The following TMC1 variants were observed in gnomAD, a reference collection of about 807,000 sequenced individuals.
TMC1 encodes transmembrane channel-like protein 1.
Under a neutral mutation model 105.8 loss-of-function variants are expected in TMC1, and 84 were observed. That is an observed-to-expected ratio of 0.79 (90% CI 0.67 to 0.95). TMC1 has a LOEUF of 0.95. TMC1 is among the 40% of genes least tolerant of loss of function. TMC1 has a pLI of 0.00. For synonymous variants in TMC1, 315 were observed against 311.5 expected, an observed-to-expected ratio of 1.01 and a Z score of -0.12; for missense variants, 817 against 914.1, an observed-to-expected ratio of 0.89 and a Z score of 1.37.
rs1184545238 is a variant in TMC1 at position 72,521,742 on chromosome 9, CAAAAAAA to C, written c.-594_-588del. The C allele has an allele frequency of 6.6e-5, 9 of 136,762 alleles. No individual in the cohort carries two copies. Among genetic ancestry groups the C allele is most frequent in the Non-Finnish European group, 1.3e-4 (8 of 62,682 alleles). 8.5% of individuals were successfully genotyped at this position (136,762 alleles called of 1,614,324 possible). On this transcript the variant is annotated 5_prime_UTR_variant, in exon 1 of 24. It removes the in-frame stop codon of an upstream open reading frame in the 5' UTR. Transcript: ENST00000297784. ...TGGGTGACAGAGCAAGACTCCGTCA[CAAAAAAA>C]AAAAGAAAAAAGAAACACCAGTTTT...
intron 3 of TMC1, among the ~76,000 whole-genome samples, chr9:72,624,618 T>C (rs1479738084): frequency 6.6e-6 from 1 of 152,188 alleles, no homozygotes; most frequent in African/African-American, 2.4e-5. Context: ...GAGGATGAAA[T>C]GCAACAGCAG....
chr9:72,712,805 T>C (rs1182196450), intron 8 of TMC1, among the ~76,000 whole-genome samples: 1 of 152,206 alleles, frequency 6.6e-6, no homozygotes, highest in African/African-American at 2.4e-5. Context: ...CAATACTATG[T>C]TGAATAGGAG....
rs1009077441 is a variant in TMC1 at position 72,733,372 on chromosome 9, T to C, written c.363-6747T>C. On this transcript the variant is annotated intron_variant, in intron 8 of 23. Coordinates refer to ENST00000297784, the MANE Select transcript of TMC1 (RefSeq NM_138691.3). ...CTGGGCCCTCTCCTTGGGTCTCAAA[T>C]GGAGGGTTGAATCCTCTCATGCTCA... 5.9e-5 allele frequency among the ~76,000 whole-genome samples: 9 copies of C among 152,082 alleles called. No individual in the cohort carries two copies. The South Asian group carries it at 1.7e-3, about 28-fold the overall frequency.
At chr9:72,804,885 C>G (rs1417288775) in intron 17 of TMC1, among the ~76,000 whole-genome samples, 1 of 152,042 alleles carries the variant, frequency 6.6e-6, no homozygotes, top group Non-Finnish European at 1.5e-5. Flanking sequence ...TTTAACGGAC[C>G]GTTTGTATAT....
intron 12 of TMC1, among the ~76,000 whole-genome samples, chr9:72,759,499 C>G (rs1286680372): frequency 6.6e-6 from 1 of 152,122 alleles, no homozygotes; most frequent in African/African-American, 2.4e-5. Context: ...GTAGATATGA[C>G]TATTCCTAAT....
At chr9:72,543,959 T>C (rs796527540) in intron 1 of TMC1, among the ~76,000 whole-genome samples, 1 of 140,668 alleles carries the variant, frequency 7.1e-6, no homozygotes, top group African/African-American at 2.7e-5. Context: ...TTTCTTTTTT[T>C]TTTTTTTTTT....
intron 5 of TMC1, among the ~76,000 whole-genome samples, chr9:72,670,581 T>C (rs1335206225): frequency 4.6e-5 from 7 of 152,136 alleles, no homozygotes; most frequent in Admixed American, 4.6e-4. Flanking sequence ...CAATTATACA[T>C]AATTGCCCCA....
chr9:72,619,416 C>T (rs1307692842), intron 3 of TMC1, among the ~76,000 whole-genome samples: 3 of 152,050 alleles, frequency 2.0e-5, no homozygotes, highest in Non-Finnish European at 2.9e-5. Flanking sequence ...GTAAAACACA[C>T]ACAACAAGTC....
intron 1 of TMC1, among the ~76,000 whole-genome samples, chr9:72,563,796 A>G (rs1284448130): frequency 6.8e-6 from 1 of 146,532 alleles, no homozygotes; most frequent in African/African-American, 2.5e-5. Flanking sequence ...GCTATTCGGG[A>G]GGCTGAGGCA....
At chr9:72,732,825 G>A (rs1445372599) in intron 8 of TMC1, among the ~76,000 whole-genome samples, 5 of 152,138 alleles carry the variant, frequency 3.3e-5, no homozygotes, top group Non-Finnish European at 2.9e-5. Flanking sequence ...TCTGAGATGG[G>A]GATAATAATG....
At chr9:72,640,936 T>C (rs1057183875) in intron 4 of TMC1, among the ~76,000 whole-genome samples, 3 of 151,588 alleles carry the variant, frequency 2.0e-5, no homozygotes, top group African/African-American at 7.3e-5. Flanking sequence ...TGGCCTTTAG[T>C]TGAGATTTGA....
chr9:72,542,883 C>T (rs953253080), intron 1 of TMC1, among the ~76,000 whole-genome samples: 1 of 152,082 alleles, frequency 6.6e-6, no homozygotes, highest in Non-Finnish European at 1.5e-5. Context: ...GTTTCACTAT[C>T]TTGGCCAGGC....
At chr9:72,639,628 C>T (rs917315743) in intron 4 of TMC1, among the ~76,000 whole-genome samples, 1 of 152,002 alleles carries the variant, frequency 6.6e-6, no homozygotes, top group African/African-American at 2.4e-5. Flanking sequence ...CAGAGTCGCT[C>T]GTGAAATATA....
intron 12 of TMC1, among the ~76,000 whole-genome samples, 187 bp downstream of exon 12, chr9:72,755,071 GGAGAGAGA>G (rs55848138): frequency 9.4e-5 from 12 of 127,012 alleles, no homozygotes; most frequent in South Asian, 2.9e-4. Flanking sequence ...AGGGAGGGAG[GGAGAGAGA>G]GAGAGAGAGA....
At chr9:72,568,315 TC>T (rs2132086708) in intron 1 of TMC1, among the ~76,000 whole-genome samples, 1 of 152,278 alleles carries the variant, frequency 6.6e-6, no homozygotes, top group African/African-American at 2.4e-5. Flanking sequence ...GAAACCCTAT[TC>T]TAAAATGTTT....
At chr9:72,611,286 C>T (rs148941605) in intron 2 of TMC1, among the ~76,000 whole-genome samples, 1,731 of 152,048 alleles carry the variant, frequency 0.011, 34 homozygotes, top group African/African-American at 0.039. Context: ...GGTCAAAGAA[C>T]TATAAGAAGA....
chr9:72,796,641 A>G (rs1828376117), intron 17 of TMC1, among the ~76,000 whole-genome samples: 1 of 152,242 alleles, frequency 6.6e-6, no homozygotes, highest in East Asian at 1.9e-4. Context: ...ATCTCCATAG[A>G]TGCAGAAAAA....
At chr9:72,713,856 T>C (rs13285607) in intron 8 of TMC1, among the ~76,000 whole-genome samples, 1 of 152,120 alleles carries the variant, frequency 6.6e-6, no homozygotes, top group Non-Finnish European at 1.5e-5. Context: ...TTAATTGTGA[T>C]TTTAGGGTGT....
intron 17 of TMC1, among the ~76,000 whole-genome samples, chr9:72,801,710 AG>A (rs957944868): frequency 1.3e-5 from 2 of 152,240 alleles, no homozygotes; most frequent in Non-Finnish European, 2.9e-5. Flanking sequence ...GGGGTTTAGC[AG>A]GAGGCCTGTG....
Sources: gnomAD v4.1 joint callset for allele counts (sites outside exome capture counted in the v4.1 genomes callset) on GRCh38, gnomAD v4.1.1 for gene constraint, MANE v1.5 for transcripts, NCBI Gene and HGNC (gene_info 2026-07-23, HGNC 2026-07-21) for gene names.